Variants in RBPMS2 observed in about 807,000 individuals in gnomAD.
RBPMS2 encodes RNA-binding protein with multiple splicing 2.
In RBPMS2, 14 loss-of-function variants were observed where a neutral mutation model predicts 25.7. The observed-to-expected ratio is 0.55, with a 90% CI of 0.36 to 0.85. RBPMS2 has a LOEUF of 0.85. Among genes scored for constraint, RBPMS2 ranks in the 40% least tolerant of loss-of-function variants. The pLI is 0.01. For synonymous variants in RBPMS2, 127 were observed against 115.6 expected (o/e 1.10, Z -0.63); for missense variants, 252 against 283.4 (o/e 0.89, Z 0.80).
chr15:64,769,100 CAA>C (rs1167404963), intron 1 of RBPMS2, among the ~76,000 whole-genome samples: 92 of 27,684 alleles, frequency 3.3e-3, no homozygotes, highest in African/African-American at 9.5e-3. Context: ...GACTTCGTCT[CAA>C]AAAAAAAAAA....
chr15:64,760,507 C>T (rs2083773628), intron 1 of RBPMS2, among the ~76,000 whole-genome samples: 2 of 152,108 alleles, frequency 1.3e-5, no homozygotes, highest in African/African-American at 2.4e-5. Flanking sequence ...GGACAAATCC[C>T]GGCCTTAGAA....
chr15:64,758,961 T>G (rs1471894253), intron 1 of RBPMS2, among the ~76,000 whole-genome samples: 1 of 152,192 alleles, frequency 6.6e-6, no homozygotes, highest in Non-Finnish European at 1.5e-5. Flanking sequence ...ATTTTTATTT[T>G]ATTTTTATTT....
At chr15:64,772,500 G>A (rs781635498) in intron 1 of RBPMS2, among the ~76,000 whole-genome samples, 4 of 151,812 alleles carry the variant, frequency 2.6e-5, no homozygotes, top group African/African-American at 9.7e-5. Flanking sequence ...CAATTTTCCC[G>A]TAATACCACA....
At chr15:64,757,433 T>C (rs951451947) in intron 1 of RBPMS2, among the ~76,000 whole-genome samples, 7 of 152,194 alleles carry the variant, frequency 4.6e-5, no homozygotes, top group Admixed American at 3.9e-4. Context: ...GAGCCACTTA[T>C]TAAGGTTGTC....
chr15:64,766,979 TCAC>T (rs777385751), intron 1 of RBPMS2, among the ~76,000 whole-genome samples: 5 of 152,220 alleles, frequency 3.3e-5, no homozygotes, highest in Non-Finnish European at 5.9e-5. Context: ...AGATGGGGTT[TCAC>T]CACATTGCCC....
At chr15:64,744,792 TG>T (rs2083600112) in intron 6 of RBPMS2, among the ~76,000 whole-genome samples, 2 of 71,594 alleles carry the variant, frequency 2.8e-5, no homozygotes, top group African/African-American at 1.2e-4. Context: ...TTTTTTGGTT[TG>T]TTTTGTTTTT....
chr15:64,764,219 A>G (rs955026388), intron 1 of RBPMS2, among the ~76,000 whole-genome samples: 1 of 152,178 alleles, frequency 6.6e-6, no homozygotes, highest in African/African-American at 2.4e-5. Flanking sequence ...CAGCTAACAC[A>G]GATCTACTGC....
intron 1 of RBPMS2, among the ~76,000 whole-genome samples, chr15:64,770,723 G>C (rs2083886850): frequency 6.6e-6 from 1 of 152,086 alleles, no homozygotes; most frequent in South Asian, 2.1e-4. Flanking sequence ...TGCCCAAATA[G>C]CACACTGGAT....
rs373835318 is a variant in RBPMS2, at chr15:64,763,054, G to A, written c.88-11416C>T. Among the ~76,000 whole-genome samples the A allele has an allele frequency of 2.5e-4, 38 of 151,362 alleles. 1 individual carries two copies. In the South Asian group the frequency reaches 7.4e-3, roughly 29 times the overall value. ...TGGTGTGGTCTTGGTCGCCGTAGTG[G>A]GTAGGGGGTGGGGGTGGGAGTGTTT... On this transcript the variant is annotated intron_variant, in intron 1 of 7. Transcript: ENST00000300069.
At chr15:64,749,327 C>T (rs2083652277) in intron 4 of RBPMS2, 104 bp downstream of exon 4, 2 of 1,324,346 alleles carry the variant, frequency 1.5e-6, no homozygotes, top group Non-Finnish European at 2.2e-6. Context: ...CAGACAGTGT[C>T]GCCAAGGACT....
At chr15:64,752,076 T>C (rs2083687522) in intron 1 of RBPMS2, among the ~76,000 whole-genome samples, 1 of 151,820 alleles carries the variant, frequency 6.6e-6, no homozygotes, top group Non-Finnish European at 1.5e-5. Flanking sequence ...GAGATTCTCC[T>C]GCCTCAGCCT....
chr15:64,760,115 A>G (rs2083770160), intron 1 of RBPMS2, among the ~76,000 whole-genome samples: 1 of 152,238 alleles, frequency 6.6e-6, no homozygotes, highest in Non-Finnish European at 1.5e-5. Flanking sequence ...TCCAGGGCAC[A>G]CACAGGGCCC....
At chr15:64,762,213 G>T (rs2083795538) in intron 1 of RBPMS2, among the ~76,000 whole-genome samples, 1 of 152,252 alleles carries the variant, frequency 6.6e-6, no homozygotes, top group African/African-American at 2.4e-5. Context: ...GCGATGGCAG[G>T]GGGGTGGGGG....
chr15:64,773,794 C>A (rs1231551836), intron 1 of RBPMS2, among the ~76,000 whole-genome samples: 1 of 152,020 alleles, frequency 6.6e-6, no homozygotes. Flanking sequence ...TCCAAGTACG[C>A]TAGCAACCCT....
chr15:64,765,552 C>A (rs1251336659), intron 1 of RBPMS2, among the ~76,000 whole-genome samples: 1 of 151,302 alleles, frequency 6.6e-6, no homozygotes, highest in Non-Finnish European at 1.5e-5. Context: ...ACACTCCAGC[C>A]TGGGCAACAA....
At chr15:64,754,781 G>A (rs1488180140) in intron 1 of RBPMS2, among the ~76,000 whole-genome samples, 3 of 151,972 alleles carry the variant, frequency 2.0e-5, no homozygotes, top group Non-Finnish European at 2.9e-5. Flanking sequence ...TTGGGTGCTG[G>A]GAAAGGACGA....
intron 6 of RBPMS2, among the ~76,000 whole-genome samples, chr15:64,747,312 C>T (rs752279022): frequency 1.3e-5 from 2 of 152,172 alleles, no homozygotes; most frequent in Admixed American, 6.5e-5. Context: ...AATGGACGTA[C>T]ACACAGCTCT....
At chr15:64,765,102 C>A (rs1567070261) in intron 1 of RBPMS2, among the ~76,000 whole-genome samples, 1 of 151,642 alleles carries the variant, frequency 6.6e-6, no homozygotes, top group Non-Finnish European at 1.5e-5. Context: ...TGGCGTGCGC[C>A]TGTAATCCCA....
At chr15:64,744,793 GTTTTGTTTTTTTTTTTTTTTTTT>G (rs1162123486) in intron 6 of RBPMS2, among the ~76,000 whole-genome samples, 9 of 57,796 alleles carry the variant, frequency 1.6e-4, no homozygotes, top group African/African-American at 7.8e-4. Context: ...TTTTTGGTTT[GTTTTGTTTTTTTTTTTTTTTTTT>G]TTTTTTTTTT....
Sources: gnomAD v4.1 joint callset for allele counts (sites outside exome capture counted in the v4.1 genomes callset) on GRCh38, gnomAD v4.1.1 for gene constraint, MANE v1.5 for transcripts, NCBI Gene and HGNC (gene_info 2026-07-23, HGNC 2026-07-21) for gene names.